NKAIN3: variants seen among roughly 807,000 people sequenced by gnomAD.
NKAIN3 encodes sodium/potassium transporting ATPase interacting 3.
Under a neutral mutation model 30.2 loss-of-function variants are expected in NKAIN3, and 25 were observed. The ratio of observed to expected loss-of-function variants is 0.83; its 90% CI spans 0.60 to 1.16. The LOEUF is 1.16. NKAIN3 is among the 50% of genes most tolerant of loss of function. The probability of loss-of-function intolerance (pLI) is 0.00; values close to 1 mark genes in which losing one functional copy is unlikely to be tolerated. For missense variants in NKAIN3, 225 were observed against 254.1 expected (o/e 0.89, Z 0.78); for synonymous variants, 91 against 89.6 (o/e 1.02, Z -0.09).
intron 1 of NKAIN3, among the ~76,000 whole-genome samples, chr8:62,469,639 T>C (rs1806268896): frequency 6.6e-6 from 1 of 152,150 alleles, no homozygotes; most frequent in South Asian, 2.1e-4. Context: ...ACAAAGAGCT[T>C]TGCTTGGTAC....
chr8:62,798,504 G>A (rs1285960734), intron 4 of NKAIN3, among the ~76,000 whole-genome samples: 9 of 151,926 alleles, frequency 5.9e-5, no homozygotes, highest in South Asian at 2.1e-4. Context: ...CCCAGGAGGC[G>A]GAGCTTGCAG....
At chr8:62,609,818 C>T (rs1332991267) in intron 3 of NKAIN3, among the ~76,000 whole-genome samples, 5 of 151,924 alleles carry the variant, frequency 3.3e-5, no homozygotes, top group Non-Finnish European at 5.9e-5. Flanking sequence ...GAAAGGATGC[C>T]GAGTCATGTT....
At chr8:62,588,338 C>T (rs541478635) in intron 2 of NKAIN3, among the ~76,000 whole-genome samples, 1 of 151,860 alleles carries the variant, frequency 6.6e-6, no homozygotes, top group Admixed American at 6.6e-5. Flanking sequence ...TTTTACTTAT[C>T]TTAACTTTTT....
chr8:62,831,190 C>T (rs907147094), intron 4 of NKAIN3, among the ~76,000 whole-genome samples: 40 of 151,864 alleles, frequency 2.6e-4, no homozygotes, highest in African/African-American at 9.7e-4. Flanking sequence ...TCTACAGTCA[C>T]ACCTCCTAGG....
intron 2 of NKAIN3, among the ~76,000 whole-genome samples, chr8:62,580,070 A>G (rs968581933): frequency 9.2e-5 from 14 of 152,212 alleles, no homozygotes; most frequent in Non-Finnish European, 1.6e-4. Flanking sequence ...ACTCCAAAAA[A>G]CAAATCTTTC....
chr8:62,804,192 G>A lies in NKAIN3; in HGVS notation c.471+57063G>A, dbSNP rs138303416. ...AGAATTCTACCAGAGGTACAAGGAGGAACTGGTACCATTCTGTCTGAAACT... is the reference window on the plus strand; with the variant it reads ...AGAATTCTACCAGAGGTACAAGGAGAAACTGGTACCATTCTGTCTGAAACT... On this transcript the variant is annotated intron_variant, in intron 4 of 6. Transcript: ENST00000623646. 2.7e-3 allele frequency among the ~76,000 whole-genome samples: 416 copies of A among 152,282 alleles called. 2 individuals are homozygous for A. Among genetic ancestry groups the A allele is most frequent in the Non-Finnish European group, 3.2e-3 (219 of 68,028 alleles).
intron 3 of NKAIN3, among the ~76,000 whole-genome samples, chr8:62,628,068 T>C (rs1457830399): frequency 1.3e-5 from 2 of 152,110 alleles, no homozygotes; most frequent in Non-Finnish European, 2.9e-5. Context: ...GGGAGATCTA[T>C]AAATGCTGGT....
At chr8:62,467,945 C>T (rs2129599862) in intron 1 of NKAIN3, among the ~76,000 whole-genome samples, 1 of 151,904 alleles carries the variant, frequency 6.6e-6, no homozygotes. Context: ...AATTTTTTTG[C>T]ATTTTTTGTT....
At chr8:62,471,374 C>T (rs1375739068) in intron 1 of NKAIN3, among the ~76,000 whole-genome samples, 3 of 151,866 alleles carry the variant, frequency 2.0e-5, no homozygotes, top group South Asian at 2.1e-4. Context: ...ATGATAATTA[C>T]ATAGATGCTG....
At chr8:62,891,613 C>T (rs1563614778) in intron 4 of NKAIN3, among the ~76,000 whole-genome samples, 1 of 152,128 alleles carries the variant, frequency 6.6e-6, no homozygotes, top group Non-Finnish European at 1.5e-5. Flanking sequence ...GTGGAAAAAT[C>T]GAGCCAGCTT....
intron 1 of NKAIN3, among the ~76,000 whole-genome samples, chr8:62,447,587 T>C (rs1805524012): frequency 6.6e-6 from 1 of 152,048 alleles, no homozygotes; most frequent in South Asian, 2.1e-4. Context: ...TTTTGTACTT[T>C]GGGTTCTTTT....
chr8:62,739,279 T>A (rs1437408366), intron 3 of NKAIN3, among the ~76,000 whole-genome samples: 2 of 151,792 alleles, frequency 1.3e-5, no homozygotes, highest in Non-Finnish European at 2.9e-5. Context: ...AAAAAAAAAA[T>A]ATATATATAC....
chr8:62,665,461 C>A (rs1009242442), intron 3 of NKAIN3, among the ~76,000 whole-genome samples: 2 of 152,184 alleles, frequency 1.3e-5, no homozygotes, highest in African/African-American at 4.8e-5. Flanking sequence ...CACACTATCA[C>A]CTGCTTTGCA....
intron 3 of NKAIN3, among the ~76,000 whole-genome samples, chr8:62,681,458 A>G (rs1382136652): frequency 6.6e-6 from 1 of 152,182 alleles, no homozygotes; most frequent in Non-Finnish European, 1.5e-5. Flanking sequence ...TCTCAAAAAC[A>G]TAGGCTTTCA....
At chr8:62,517,343 A>G (rs545424922) in intron 1 of NKAIN3, among the ~76,000 whole-genome samples, 319 of 152,206 alleles carry the variant, frequency 2.1e-3, no homozygotes, top group Non-Finnish European at 3.3e-3. Context: ...CTTACTAAGC[A>G]AAGTCTGCTG....
chr8:62,380,108 A>G (rs1005876032), intron 1 of NKAIN3, among the ~76,000 whole-genome samples: 1 of 152,240 alleles, frequency 6.6e-6, no homozygotes, highest in Non-Finnish European at 1.5e-5. Flanking sequence ...CATGTATTGT[A>G]TGTTAACATT....
chr8:62,901,709 A>G (rs1169876257), intron 4 of NKAIN3, among the ~76,000 whole-genome samples: 1 of 152,252 alleles, frequency 6.6e-6, no homozygotes, highest in Non-Finnish European at 1.5e-5. Context: ...ACAGAAAAGC[A>G]GGATTCCCTA....
Position 62,791,719 on chromosome 8 carries a change from C to T in NKAIN3, c.471+44590C>T, listed in dbSNP as rs139733513. On this transcript the variant is annotated intron_variant, in intron 4 of 6. Coordinates refer to ENST00000623646, the MANE Select transcript of NKAIN3 (RefSeq NM_001304533.3). The stretch of plus-strand genomic sequence containing the variant: ...ATTAGCTTATTTTAAGGTGTTTTGA[C>T]TTTCACTTATATAATGATTGAAAAC... 1.2e-4 allele frequency among the ~76,000 whole-genome samples: 19 copies of T among 152,172 alleles called. No individual in the cohort carries two copies. In the East Asian group the frequency reaches 3.5e-3, roughly 28 times the overall value.
chr8:62,673,511 T>C (rs1312643917), intron 3 of NKAIN3, among the ~76,000 whole-genome samples: 1 of 152,066 alleles, frequency 6.6e-6, no homozygotes, highest in Non-Finnish European at 1.5e-5. Context: ...CTACCTAGGG[T>C]CTTGTCTCTC....
Sources: gnomAD v4.1 joint callset for allele counts (sites outside exome capture counted in the v4.1 genomes callset) on GRCh38, gnomAD v4.1.1 for gene constraint, MANE v1.5 for transcripts, NCBI Gene and HGNC (gene_info 2026-07-23, HGNC 2026-07-21) for gene names.